NDUFAF2: variants seen among roughly 807,000 people sequenced by gnomAD.
NDUFAF2 encodes NADH:ubiquinone oxidoreductase complex assembly factor 2, also known as NADH dehydrogenase [ubiquinone] 1 alpha subcomplex assembly factor 2.
NDUFAF2 carries 13 observed loss-of-function variants against 22.8 expected under a neutral mutation model. The ratio of observed to expected loss-of-function variants is 0.57; its 90% CI spans 0.37 to 0.91. The LOEUF is 0.91. Among genes scored for constraint, NDUFAF2 ranks in the 40% least tolerant of loss-of-function variants. The pLI, the probability that NDUFAF2 is intolerant of heterozygous loss-of-function variation, is 0.01. For synonymous variants in NDUFAF2, 53 were observed against 64.2 expected (o/e 0.83, Z 0.84); for missense variants, 162 against 195.2 (o/e 0.83, Z 1.01).
At chr5:61,015,925 C>T (rs947410401) in intron 1 of NDUFAF2, among the ~76,000 whole-genome samples, 7 of 152,112 alleles carry the variant, frequency 4.6e-5, no homozygotes, top group South Asian at 2.1e-4. Flanking sequence ...CGGTGGCTCA[C>T]GCCTGTAATC....
chr5:60,996,098 A>G (rs1295666768), intron 1 of NDUFAF2, among the ~76,000 whole-genome samples: 1 of 152,122 alleles, frequency 6.6e-6, no homozygotes, highest in African/African-American at 2.4e-5. Context: ...GCCAAGTCAT[A>G]GAACTGGGGA....
chr5:61,077,098 G>A (rs1485375199), intron 2 of NDUFAF2, among the ~76,000 whole-genome samples: 1 of 152,208 alleles, frequency 6.6e-6, no homozygotes, highest in Non-Finnish European at 1.5e-5. Context: ...AGACATCCAA[G>A]TAGAGATGTT....
chr5:61,138,509 G>A (rs572816752), intron 3 of NDUFAF2, among the ~76,000 whole-genome samples: 22 of 152,240 alleles, frequency 1.4e-4, no homozygotes, highest in African/African-American at 4.3e-4. Context: ...CCCCCAGATC[G>A]TGCCCACTGG....
chr5:60,970,953 T>G lies in NDUFAF2; in HGVS notation c.127+25571T>G, dbSNP rs185431629. Among the ~76,000 whole-genome samples, 13 of 152,240 alleles carry G rather than the reference T, an allele frequency of 8.5e-5. No individual in the cohort carries two copies. In the East Asian group the frequency reaches 1.5e-3, roughly 18 times the overall value. ...GGAGGATTATTTTAAAGTTTTCTTT[T>G]TTTACTGTATTTTTATCTGTGTTCT... On this transcript the variant is annotated intron_variant, in intron 1 of 3. Transcript: ENST00000296597.
chr5:61,065,728 A>G (rs1752218392), intron 1 of NDUFAF2, among the ~76,000 whole-genome samples: 1 of 152,144 alleles, frequency 6.6e-6, no homozygotes, highest in Non-Finnish European at 1.5e-5. Flanking sequence ...AAAAACGCAC[A>G]GTTAACATTA....
At chr5:61,080,997 G>A (rs1002611119) in intron 2 of NDUFAF2, among the ~76,000 whole-genome samples, 1 of 151,966 alleles carries the variant, frequency 6.6e-6, no homozygotes, top group Non-Finnish European at 1.5e-5. Context: ...ACAGTTTTGG[G>A]TTTTACATTA....
chr5:61,015,256 C>T (rs1751491102), intron 1 of NDUFAF2, among the ~76,000 whole-genome samples: 1 of 152,090 alleles, frequency 6.6e-6, no homozygotes, highest in Non-Finnish European at 1.5e-5. Context: ...AAAAATGTTA[C>T]TAAATATAAC....
intron 1 of NDUFAF2, among the ~76,000 whole-genome samples, chr5:61,004,665 T>C (rs1296590464): frequency 1.3e-5 from 2 of 152,104 alleles, no homozygotes; most frequent in African/African-American, 4.8e-5. Context: ...CAGACTAGCA[T>C]GGTAACTGGC....
At chr5:61,104,979 A>G (rs1394144006) in intron 3 of NDUFAF2, among the ~76,000 whole-genome samples, 2 of 152,096 alleles carry the variant, frequency 1.3e-5, no homozygotes, top group Non-Finnish European at 2.9e-5. Context: ...ACGAATTGTA[A>G]TAGAAAAATT....
intron 2 of NDUFAF2, among the ~76,000 whole-genome samples, chr5:61,075,590 A>T (rs922393689): frequency 1.3e-5 from 2 of 152,120 alleles, no homozygotes; most frequent in African/African-American, 4.8e-5. Flanking sequence ...GTACGTAATG[A>T]CTCATTTTTC....
chr5:61,021,155 A>C lies in NDUFAF2; in HGVS notation c.128-51970A>C, dbSNP rs551724379. Among the ~76,000 whole-genome samples the C allele has an allele frequency of 2.1e-3, 313 of 152,262 alleles. 2 individuals are homozygous for C. Among genetic ancestry groups the C allele is most frequent in the Non-Finnish European group, 3.4e-3 (230 of 68,024 alleles). Reference sequence around the variant, plus strand: ...ATTACTGCAAATTTAGTGGCTTAAAACAACACAGATTTATTATCTTACAGT... The same window carrying C: ...ATTACTGCAAATTTAGTGGCTTAAACCAACACAGATTTATTATCTTACAGT... On this transcript the variant is annotated intron_variant, in intron 1 of 3. Coordinates refer to ENST00000296597, the MANE Select transcript of NDUFAF2 (RefSeq NM_174889.5).
intron 1 of NDUFAF2, among the ~76,000 whole-genome samples, chr5:61,063,929 CAA>C (rs1385735394): frequency 1.3e-5 from 2 of 151,978 alleles, no homozygotes; most frequent in Non-Finnish European, 2.9e-5. Flanking sequence ...ATTTTCCAAT[CAA>C]AAGTGATAGA....
intron 1 of NDUFAF2, among the ~76,000 whole-genome samples, chr5:60,951,152 C>G (rs1258267683): frequency 2.0e-5 from 3 of 152,086 alleles, no homozygotes; most frequent in African/African-American, 7.2e-5. Context: ...GCCTCAGCCT[C>G]TCGAGTAGCT....
chr5:61,116,843 G>C (rs1484310391), intron 3 of NDUFAF2: 1 of 152,160 alleles, frequency 6.6e-6, no homozygotes, highest in Non-Finnish European at 1.5e-5. Context: ...AGTGAATGGA[G>C]AGATTTTTTT....
intron 3 of NDUFAF2, among the ~76,000 whole-genome samples, chr5:61,110,506 A>G (rs1198215801): frequency 6.6e-6 from 1 of 151,812 alleles, no homozygotes; most frequent in Non-Finnish European, 1.5e-5. Context: ...TCTTATTCTT[A>G]TTGGTTTGTT....
chr5:61,120,620 T>G lies in NDUFAF2; in HGVS notation c.258+21588T>G, dbSNP rs146424131. ...TAAAATAAGTTGAATATAAATAAGG[T>G]GCTATTATGAATTATTTTTAGATAT... On this transcript the variant is annotated intron_variant, in intron 3 of 3. Coordinates refer to ENST00000296597, the MANE Select transcript of NDUFAF2 (RefSeq NM_174889.5). Among the ~76,000 whole-genome samples, 82 of 152,182 alleles carry G rather than the reference T, an allele frequency of 5.4e-4. No homozygotes were observed. In the East Asian group the frequency reaches 0.015, roughly 28 times the overall value.
chr5:61,152,820 T>C lies in NDUFAF2; in HGVS notation c.375T>C (p.Val125=). 1 of 1,604,696 alleles carries C rather than the reference T, an allele frequency of 6.2e-7. No homozygotes were observed. The part of the protein sequence containing the change: ...ETSEELLPPP[V]QTQIKGHASA... ...GTGAGGAACTCCTGCCTCCACCAGT[T>C]CAAACTCAAATTAAAGGCCATGCCT... The change falls in exon 4 of 4, where the codon GTT becomes GTC. Residue 125 remains valine, a synonymous_variant. Transcript: ENST00000296597.
chr5:61,140,796 T>C (rs1741041050), intron 3 of NDUFAF2, among the ~76,000 whole-genome samples: 1 of 152,228 alleles, frequency 6.6e-6, no homozygotes, highest in Non-Finnish European at 1.5e-5. Context: ...CTTTGCTGCT[T>C]TACTCCTTCA....
chr5:60,965,942 A>G (rs1032030300), intron 1 of NDUFAF2, among the ~76,000 whole-genome samples: 93 of 152,176 alleles, frequency 6.1e-4, no homozygotes, highest in African/African-American at 2.2e-3. Flanking sequence ...AGAAATCTCC[A>G]TACTGTTTTT....
Sources: gnomAD v4.1 joint callset for allele counts (sites outside exome capture counted in the v4.1 genomes callset) on GRCh38, gnomAD v4.1.1 for gene constraint, MANE v1.5 for transcripts, NCBI Gene and HGNC (gene_info 2026-07-23, HGNC 2026-07-21) for gene names.